Variants in CCDC141 observed in about 807,000 individuals in gnomAD.
The protein encoded by CCDC141 is coiled-coil domain containing 141, also known as coiled-coil domain-containing protein 141.
In CCDC141, 168 loss-of-function variants were observed where a neutral mutation model predicts 181.0. The ratio of observed to expected loss-of-function variants is 0.93; its 90% CI spans 0.82 to 1.05. The LOEUF is 1.05. CCDC141 is among the 50% of genes least tolerant of loss of function. The pLI, the probability that CCDC141 is intolerant of heterozygous loss-of-function variation, is 0.00. For missense variants in CCDC141, 1,902 were observed against 1,788.5 expected, an observed-to-expected ratio of 1.06 and a Z score of -1.14; for synonymous variants, 666 against 642.3, an observed-to-expected ratio of 1.04 and a Z score of -0.56.
intron 8 of CCDC141, among the ~76,000 whole-genome samples, chr2:178,888,870 A>G (rs1303229627): frequency 1.3e-5 from 2 of 152,226 alleles, no homozygotes; most frequent in Non-Finnish European, 2.9e-5. Context: ...CTGAGGGAAA[A>G]GATGAGTTAT....
rs1046525259 is a variant in CCDC141, at chr2:179,015,091, T to C, written c.225+32193A>G. On this transcript the variant is annotated intron_variant, in intron 2 of 23. Coordinates refer to ENST00000443758, the MANE Select transcript of CCDC141 (RefSeq NM_173648.4). ...AGATATATATATATATATATATATA[T>C]ATATATATATATAATATATATATAA... is the stretch of plus-strand genomic sequence containing the variant. Among the ~76,000 whole-genome samples, 289 of 42,028 alleles carry C rather than the reference T, an allele frequency of 6.9e-3. 15 individuals are homozygous for C. The highest frequency in any genetic ancestry group is 0.019 in the African/African-American group (278 of 14,960). 27.6% of individuals were successfully genotyped at this position (42,028 alleles called of 152,430 possible).
chr2:178,942,252 G>A (rs1162787012), intron 6 of CCDC141, among the ~76,000 whole-genome samples: 3 of 152,050 alleles, frequency 2.0e-5, no homozygotes, highest in South Asian at 2.1e-4. Flanking sequence ...CTGGCTAATC[G>A]TTTAAATGTT....
At chr2:178,864,727 A>C (rs1439408870) in intron 17 of CCDC141, among the ~76,000 whole-genome samples, 2 of 152,208 alleles carry the variant, frequency 1.3e-5, no homozygotes, top group Non-Finnish European at 2.9e-5. Flanking sequence ...GAGCCAGGCC[A>C]CCATTAAAGT....
At chr2:178,899,411 G>GTGCACAT (rs1687575426) in intron 8 of CCDC141, among the ~76,000 whole-genome samples, 1 of 152,018 alleles carries the variant, frequency 6.6e-6, no homozygotes, top group African/African-American at 2.4e-5. Context: ...GCTGATGGTG[G>GTGCACAT]TGCACATAGA....
Position 178,845,740 on chromosome 2 carries a change from C to G in CCDC141, c.3360G>C (p.Gln1120His). 6.3e-7 allele frequency: 1 copy of G among 1,580,602 alleles called. No individual in the cohort carries two copies. The highest frequency in any genetic ancestry group is 2.2e-5 in the East Asian group (1 of 44,596). ...TCGGATTCATCTTTAAAACATCTCC[C>G]TGCTGTACAAAGCAACAGTTAGTGA... Reference protein sequence around the residue: ...SLTELEEKLKQGDVLKMNPNL... With the variant: ...SLTELEEKLKHGDVLKMNPNL... The change falls in exon 22 of 24, where the codon CAG (glutamine) becomes CAC (histidine). Residue 1120 changes from glutamine (Q) to histidine (H), a missense_variant and splice_region_variant. Gln to His is a conservative substitution (Grantham distance 24, BLOSUM62 0). Coordinates refer to ENST00000443758, the MANE Select transcript of CCDC141 (RefSeq NM_173648.4).
intron 2 of CCDC141, among the ~76,000 whole-genome samples, chr2:179,023,530 T>G (rs1216586984): frequency 6.6e-6 from 1 of 152,198 alleles, no homozygotes; most frequent in African/African-American, 2.4e-5. Flanking sequence ...AATATTAAAT[T>G]TTTAAAAGTG....
intron 4 of CCDC141, among the ~76,000 whole-genome samples, chr2:178,968,768 A>G (rs974481373): frequency 1.3e-5 from 2 of 152,158 alleles, no homozygotes; most frequent in African/African-American, 4.8e-5. Flanking sequence ...AGAAACACTA[A>G]AAAGCCTTCA....
At chr2:178,882,824 C>T (rs996910423) in intron 11 of CCDC141, among the ~76,000 whole-genome samples, 3 of 151,592 alleles carry the variant, frequency 2.0e-5, no homozygotes, top group Admixed American at 1.3e-4. Flanking sequence ...GGATTGATCT[C>T]GTATTGGGAG....
At chr2:178,936,299 C>T in intron 6 of CCDC141, among the ~76,000 whole-genome samples, 1 of 151,950 alleles carries the variant, frequency 6.6e-6, no homozygotes, top group Non-Finnish European at 1.5e-5. Flanking sequence ...AAGGGTTCAC[C>T]TTTAATCTTC....
chr2:178,958,406 A>C (rs900271579), intron 5 of CCDC141, among the ~76,000 whole-genome samples: 1 of 152,178 alleles, frequency 6.6e-6, no homozygotes, highest in African/African-American at 2.4e-5. Context: ...GTATGGGGGC[A>C]GGGAACATAT....
chr2:178,916,873 C>A (rs1283178937), intron 7 of CCDC141, among the ~76,000 whole-genome samples: 2 of 151,818 alleles, frequency 1.3e-5, no homozygotes, highest in Non-Finnish European at 2.9e-5. Flanking sequence ...AACATAAATT[C>A]TCTACTCCAA....
chr2:178,976,686 T>C (rs1368061736), intron 3 of CCDC141, among the ~76,000 whole-genome samples: 1 of 152,182 alleles, frequency 6.6e-6, no homozygotes, highest in Non-Finnish European at 1.5e-5. Flanking sequence ...TTTTCATTTC[T>C]CAAAAACTCC....
chr2:179,006,621 G>A (rs568942906), intron 2 of CCDC141, among the ~76,000 whole-genome samples: 6 of 152,270 alleles, frequency 3.9e-5, no homozygotes, highest in South Asian at 2.1e-4. Context: ...CATGTGAAAT[G>A]TTTAACTTTT....
chr2:178,910,129 C>A (rs961105896), intron 7 of CCDC141, among the ~76,000 whole-genome samples: 3 of 152,114 alleles, frequency 2.0e-5, no homozygotes, highest in African/African-American at 7.2e-5. Flanking sequence ...TAGTACAGGA[C>A]CCAAGGCAGC....
chr2:178,872,642 C>T (rs568698408), intron 12 of CCDC141, among the ~76,000 whole-genome samples: 58 of 152,186 alleles, frequency 3.8e-4, no homozygotes, highest in African/African-American at 1.3e-3. Context: ...ATGCGTATAC[C>T]TATACGCATT....
At chr2:178,981,636 G>GTATATATATACATATATATATATATATA (rs1553495303) in intron 2 of CCDC141, among the ~76,000 whole-genome samples, 1 of 62,404 alleles carries the variant, frequency 1.6e-5, no homozygotes, top group Non-Finnish European at 3.2e-5. Flanking sequence ...GTGTGTGTGT[G>GTATATATATACATATATATATATATATA]TATATATATA....
At chr2:179,024,836 T>C (rs1208934709) in intron 2 of CCDC141, among the ~76,000 whole-genome samples, 1 of 152,230 alleles carries the variant, frequency 6.6e-6, no homozygotes, top group Non-Finnish European at 1.5e-5. Context: ...TGTTGTTTAA[T>C]GGAAAAATGT....
chr2:179,004,639 G>C (rs544907773), intron 2 of CCDC141, among the ~76,000 whole-genome samples: 1 of 152,218 alleles, frequency 6.6e-6, no homozygotes, highest in South Asian at 2.1e-4. Context: ...ATGACATCTG[G>C]ATATTGATTT....
chr2:179,023,706 G>A (rs2042751516), intron 2 of CCDC141, among the ~76,000 whole-genome samples: 1 of 152,112 alleles, frequency 6.6e-6, no homozygotes, highest in Non-Finnish European at 1.5e-5. Flanking sequence ...ACACTCTTAT[G>A]AGAAATATAT....
Sources: gnomAD v4.1 joint callset for allele counts (sites outside exome capture counted in the v4.1 genomes callset) on GRCh38, gnomAD v4.1.1 for gene constraint, MANE v1.5 for transcripts, NCBI Gene and HGNC (gene_info 2026-07-23, HGNC 2026-07-21) for gene names.